Variants in CTNNA2 observed in about 807,000 individuals in gnomAD.
The protein encoded by CTNNA2 is catenin alpha-2.
Under a neutral mutation model 101.0 loss-of-function variants are expected in CTNNA2, and 42 were observed. The ratio of observed to expected loss-of-function variants is 0.42; its 90% CI spans 0.32 to 0.54. The LOEUF (loss-of-function observed/expected upper bound fraction) is 0.54, where lower values mean the gene tolerates loss of function less well. CTNNA2 is among the 20% of genes least tolerant of loss of function. The pLI is 0.14. For missense variants in CTNNA2, 871 were observed against 1,223.1 expected (o/e 0.71, Z 4.29); for synonymous variants, 450 against 456.4 (o/e 0.99, Z 0.18).
chr2:80,359,236 A>G (rs182848109), intron 7 of CTNNA2, among the ~76,000 whole-genome samples: 199 of 152,250 alleles, frequency 1.3e-3, no homozygotes, highest in Middle Eastern at 3.4e-3. Flanking sequence ...TAAATAAATA[A>G]TTCCTTCTAT....
chr2:80,260,251 G>T (rs2149121541), intron 7 of CTNNA2, among the ~76,000 whole-genome samples: 1 of 152,202 alleles, frequency 6.6e-6, no homozygotes, highest in South Asian at 2.1e-4. Flanking sequence ...ACAATAATAA[G>T]CAACGACCTG....
At chr2:79,473,451 C>A (rs1671022267) in intron 4 of CTNNA2, among the ~76,000 whole-genome samples, 1 of 152,108 alleles carries the variant, frequency 6.6e-6, no homozygotes, top group Non-Finnish European at 1.5e-5. Context: ...AATGCACACA[C>A]ACACACACCA....
At chr2:80,467,032 CT>C (rs1684918207) in intron 9 of CTNNA2, among the ~76,000 whole-genome samples, 1 of 152,162 alleles carries the variant, frequency 6.6e-6, no homozygotes, top group Non-Finnish European at 1.5e-5. Flanking sequence ...GGAGGTTTAC[CT>C]GTGATTAGGC....
intron 7 of CTNNA2, among the ~76,000 whole-genome samples, chr2:80,204,057 C>T (rs1707375006): frequency 6.6e-6 from 1 of 152,178 alleles, no homozygotes; most frequent in African/African-American, 2.4e-5. Context: ...GGTCACAGGG[C>T]ACCAAGTCCC....
At chr2:79,392,322 A>G (rs1002831842) in intron 4 of CTNNA2, among the ~76,000 whole-genome samples, 15 of 152,318 alleles carry the variant, frequency 9.8e-5, no homozygotes, top group African/African-American at 3.4e-4. Context: ...GGTGAGGTTC[A>G]AAACCGTGTT....
chr2:80,242,973 AACAGAAGTCATTTGAAC>A (rs1241111272), intron 7 of CTNNA2, among the ~76,000 whole-genome samples: 1 of 152,170 alleles, frequency 6.6e-6, no homozygotes, highest in African/African-American at 2.4e-5. Context: ...GGAGGTGCAA[AACAGAAGTCATTTGAAC>A]ACAGGCCCAA....
In CTNNA2 at chr2:79,399,292, T is replaced by C. The variant is rs1310699133; in HGVS notation, c.-135+25279T>C. 3.3e-5 allele frequency among the ~76,000 whole-genome samples: 5 copies of C among 152,176 alleles called. No homozygotes were observed. The East Asian group carries it at 9.7e-4, about 29-fold the overall frequency. ...AAAGCTTTCACATATTCCTGGGAAT[T>C]AGAAGTCATTCATGTATGCAGGGCT... On this transcript the variant is annotated intron_variant, in intron 4 of 21. Coordinates refer to the CTNNA2 transcript ENST00000466387.
At chr2:79,473,223 C>T (rs941190816) in intron 4 of CTNNA2, among the ~76,000 whole-genome samples, 8 of 152,074 alleles carry the variant, frequency 5.3e-5, no homozygotes, top group African/African-American at 1.7e-4. Context: ...AGCATGCACC[C>T]GAAACTCTTC....
Position 80,647,833 on chromosome 2 carries a change from A to T in CTNNA2, c.2823A>T (p.Val941=). Residue 941 remains valine, a synonymous_variant, in exon 19 of 19, where the codon GTA becomes GTT. Transcript: ENST00000402739. Reference sequence around the variant, plus strand: ...CTCAGAAGAAACACATTTCGCCTGTACAGGCTTTAAGTGAATTCAAAGCAA... The same window carrying T: ...CTCAGAAGAAACACATTTCGCCTGTTCAGGCTTTAAGTGAATTCAAAGCAA... ...RGSQKKHISP[V]QALSEFKAMD... 6.2e-7 allele frequency: 1 copy of T among 1,613,046 alleles called. No individual in the cohort carries two copies. Among genetic ancestry groups the T allele is most frequent in the Non-Finnish European group, 8.5e-7 (1 of 1,179,272 alleles).
intron 3 of CTNNA2, among the ~76,000 whole-genome samples, chr2:79,797,285 A>G (rs529863351): frequency 6.6e-6 from 1 of 152,260 alleles, no homozygotes; most frequent in South Asian, 2.1e-4. Flanking sequence ...AAGCCCAAGC[A>G]TGCAGGCCCA....
Position 79,938,468 on chromosome 2 carries a change from T to C in CTNNA2, c.1056+28671T>C, listed in dbSNP as rs143741675. Among the ~76,000 whole-genome samples, 1,012 of 152,370 alleles carry C rather than the reference T, an allele frequency of 6.6e-3. 8 individuals carry two copies. Among genetic ancestry groups the C allele is most frequent in the South Asian group, 0.022 (104 of 4,834 alleles). Reference sequence around the variant, plus strand: ...TAAGACACTTTCCTGTATGTGTGTGTGTGCTTATGTGTGTTGGAGGGATTT... The same window carrying C: ...TAAGACACTTTCCTGTATGTGTGTGCGTGCTTATGTGTGTTGGAGGGATTT... On this transcript the variant is annotated intron_variant, in intron 7 of 18. Coordinates refer to ENST00000402739, the MANE Select transcript of CTNNA2 (RefSeq NM_001282597.3).
intron 7 of CTNNA2, among the ~76,000 whole-genome samples, chr2:80,187,084 C>T (rs1449249102): frequency 6.6e-6 from 1 of 152,150 alleles, no homozygotes; most frequent in Non-Finnish European, 1.5e-5. Context: ...TCCATTTGCT[C>T]ATTTTGGTTT....
At chr2:79,707,120 G>A (rs1216484362) in intron 2 of CTNNA2, among the ~76,000 whole-genome samples, 1 of 152,118 alleles carries the variant, frequency 6.6e-6, no homozygotes, top group African/African-American at 2.4e-5. Flanking sequence ...ATTGAGAAAG[G>A]CACTGCTTTC....
intron 4 of CTNNA2, among the ~76,000 whole-genome samples, chr2:79,431,563 C>G (rs1280602000): frequency 6.6e-6 from 1 of 152,124 alleles, no homozygotes; most frequent in African/African-American, 2.4e-5. Flanking sequence ...TTTCACTGAC[C>G]AAATAAGTTA....
At chr2:79,501,857 T>C (rs566906138) in intron 4 of CTNNA2, among the ~76,000 whole-genome samples, 39 of 152,178 alleles carry the variant, frequency 2.6e-4, no homozygotes, top group Admixed American at 5.9e-4. Context: ...GGGTTTGAAA[T>C]AGGGATATTT....
intron 2 of CTNNA2, among the ~76,000 whole-genome samples, chr2:79,289,944 T>G (rs887311407): frequency 7.2e-5 from 11 of 152,168 alleles, no homozygotes; most frequent in African/African-American, 2.7e-4. Flanking sequence ...TCAGCCTCTC[T>G]GTGCCTATAT....
At chr2:80,487,840 A>G (rs948074523) in intron 9 of CTNNA2, among the ~76,000 whole-genome samples, 1 of 152,204 alleles carries the variant, frequency 6.6e-6, no homozygotes, top group African/African-American at 2.4e-5. Context: ...AGGCTCTTTC[A>G]TCTACCCTAG....
chr2:79,375,288 A>G (rs561142690), intron 4 of CTNNA2, among the ~76,000 whole-genome samples: 124 of 152,278 alleles, frequency 8.1e-4, no homozygotes, highest in African/African-American at 2.9e-3. Flanking sequence ...TTGTTGACCA[A>G]GTTAGCCTGC....
At chr2:79,451,582 T>A (rs957115107) in intron 4 of CTNNA2, among the ~76,000 whole-genome samples, 2 of 151,890 alleles carry the variant, frequency 1.3e-5, no homozygotes, top group African/African-American at 4.8e-5. Flanking sequence ...TACTGAGTGA[T>A]TTTCCTAAAG....
Sources: gnomAD v4.1 joint callset for allele counts (sites outside exome capture counted in the v4.1 genomes callset) on GRCh38, gnomAD v4.1.1 for gene constraint, MANE v1.5 for transcripts, NCBI Gene and HGNC (gene_info 2026-07-23, HGNC 2026-07-21) for gene names.